ZNF737: variants seen among roughly 807,000 people sequenced by gnomAD.
The protein encoded by ZNF737 is zinc finger protein 737.
ZNF737 carries 13 observed loss-of-function variants against 11.7 expected under a neutral mutation model. The observed-to-expected ratio is 1.11, with a 90% CI of 0.73 to 1.77. ZNF737 has a LOEUF of 1.77. Ranked by LOEUF, ZNF737 falls within the 40% of genes most tolerant of loss-of-function variation. The pLI is 0.00. For synonymous variants in ZNF737, 217 were observed against 216.2 expected, an observed-to-expected ratio of 1.00 and a Z score of -0.03; for missense variants, 636 against 638.0, an observed-to-expected ratio of 1.00 and a Z score of 0.03.
chr19:20,542,171 C>T lies in ZNF737; in HGVS notation c.*2421G>A, dbSNP rs781786153. 7.5e-5 allele frequency: 74 copies of T among 984,548 alleles called. No individual in the cohort carries two copies. The highest frequency in any genetic ancestry group is 1.2e-4 in the Admixed American group (2 of 16,242). 61.0% of individuals were successfully genotyped at this position (984,548 alleles called of 1,614,324 possible). A position where few individuals can be genotyped will look rare whatever the true frequency, so the allele number is the denominator to read the frequency against. ...AGTGGCACAATAATGGTTCATTAAA[C>T]GCACGGTAGTCTTACCATGGTAAAA... On this transcript the variant is annotated 3_prime_UTR_variant, in exon 4 of 4. Coordinates refer to ENST00000427401, the MANE Select transcript of ZNF737 (RefSeq NM_001159293.2).
At position 20,541,444 on chromosome 19, in the gene ZNF737, T is replaced by G; in HGVS notation, c.*3148A>C. 1.0e-6 allele frequency: 1 copy of G among 962,852 alleles called. No homozygotes were observed. Among genetic ancestry groups the G allele is most frequent in the Non-Finnish European group, 1.2e-6 (1 of 809,846 alleles). 59.6% of individuals were successfully genotyped at this position (962,852 alleles called of 1,614,324 possible). A position where few individuals can be genotyped will look rare whatever the true frequency, so the allele number is the denominator to read the frequency against. ...TTTCAGGACTCAGAAATGTATGGAT[T>G]TTATTTTTATTTTATTTTTTGAGAT... On this transcript the variant is annotated 3_prime_UTR_variant, in exon 4 of 4. Transcript: ENST00000427401.
In ZNF737 at chr19:20,545,564, G is replaced by A. The variant is rs1278250911; in HGVS notation, c.639C>T (p.Ser213=). The change falls in exon 4 of 4, where the codon TCC becomes TCT. Residue 213 remains serine, a synonymous_variant. Transcript: ENST00000427401. ...CEECGKAFNW[S]SHLTTHKRIH... ...TTCTCTTATGTGTAGTAAGGTGTGA[G>A]GACCAGTTGAAGGCTTTGCCACATT... 1.2e-6 allele frequency: 2 copies of A among 1,613,582 alleles called. No homozygotes were observed. The highest frequency in any genetic ancestry group is 1.7e-6 in the Non-Finnish European group (2 of 1,179,850).
rs112095577 is a variant in ZNF737 at position 20,542,273 on chromosome 19, G to T, written c.*2319C>A. ...GACAGAGTTTTGCTCTTGTTGCCCA[G>T]ACTGGAGTGCAATCGCACAATCTTG... On this transcript the variant is annotated 3_prime_UTR_variant, in exon 4 of 4. Transcript: ENST00000427401. The T allele has an allele frequency of 2.4e-5, 20 of 826,666 alleles. No homozygotes were observed. In the African/African-American group the frequency reaches 3.0e-4, roughly 12 times the overall value. 51.2% of individuals were successfully genotyped at this position (826,666 alleles called of 1,614,324 possible).
intron 1 of ZNF737, among the ~76,000 whole-genome samples, chr19:20,554,232 G>A (rs1968802548): frequency 6.6e-6 from 1 of 152,052 alleles, no homozygotes; most frequent in East Asian, 1.9e-4. Flanking sequence ...GTTATGCAGG[G>A]TTTTTTTCCA....
At chr19:20,561,176 C>T (rs34642251) in intron 1 of ZNF737, among the ~76,000 whole-genome samples, 75,667 of 151,960 alleles carry the variant, frequency 0.5, 19,316 homozygotes, top group Middle Eastern at 0.57. Flanking sequence ...ACTGTGTGCA[C>T]GCAGACATAT....
At chr19:20,553,608 A>G (rs1968776456) in intron 2 of ZNF737, 101 bp downstream of exon 2, 6 of 1,249,242 alleles carry the variant, frequency 4.8e-6, no homozygotes, top group Non-Finnish European at 6.7e-6. Context: ...AGTGGATCTG[A>G]AACTCTTTTA....
At chr19:20,554,822 T>C (rs1416997496) in intron 1 of ZNF737, among the ~76,000 whole-genome samples, 1 of 152,060 alleles carries the variant, frequency 6.6e-6, no homozygotes, top group Non-Finnish European at 1.5e-5. Flanking sequence ...TTTTCAGAAC[T>C]TTCTGGGTAA....
chr19:20,550,620 T>C (rs182973613), intron 3 of ZNF737, among the ~76,000 whole-genome samples: 1 of 152,306 alleles, frequency 6.6e-6, no homozygotes, highest in East Asian at 1.9e-4. Context: ...ACCAGGATTA[T>C]GACTCACACC....
Position 20,543,039 on chromosome 19 carries a change from T to C in ZNF737, c.*1553A>G, listed in dbSNP as rs1157123793. On this transcript the variant is annotated 3_prime_UTR_variant, in exon 4 of 4. Coordinates refer to ENST00000427401, the MANE Select transcript of ZNF737 (RefSeq NM_001159293.2). ...TTAGTTTTTATATTCAATGCTCTGA[T>C]TTAGTGTAATGTCTGAAGTGTCGGG... 1.0e-6 allele frequency: 1 copy of C among 985,116 alleles called. No individual in the cohort carries two copies. Among genetic ancestry groups the C allele is most frequent in the Admixed American group, 6.1e-5 (1 of 16,266 alleles). The allele number at this position is 985,116 out of a possible 1,614,324, so 61.0% of individuals were successfully genotyped here. A position where few individuals can be genotyped will look rare whatever the true frequency, so the allele number is the denominator to read the frequency against.
At chr19:20,550,501 A>G (rs1968622786) in intron 3 of ZNF737, among the ~76,000 whole-genome samples, 3 of 152,230 alleles carry the variant, frequency 2.0e-5, no homozygotes, top group Admixed American at 1.3e-4. Flanking sequence ...GTAAAAATAT[A>G]TAGGGAGAGT....
intron 3 of ZNF737, among the ~76,000 whole-genome samples, chr19:20,547,674 T>G (rs1476985637): frequency 6.6e-6 from 1 of 150,952 alleles, no homozygotes; most frequent in Non-Finnish European, 1.5e-5. Flanking sequence ...GGAAAAGCAT[T>G]TGAAAGAACA....
intron 1 of ZNF737, 30 bp downstream of exon 1, chr19:20,565,606 CCT>C (rs782766988): frequency 5.0e-6 from 8 of 1,614,212 alleles, no homozygotes; most frequent in Non-Finnish European, 6.8e-6. Context: ...AGCCTATCCC[CCT>C]CTCTCGGGAT....
At chr19:20,553,013 G>T (rs73012638) in intron 2 of ZNF737, among the ~76,000 whole-genome samples, 12 of 134,238 alleles carry the variant, frequency 8.9e-5, no homozygotes, top group South Asian at 4.9e-4. Context: ...CTCTGTCCCC[G>T]AAAAAAAAAA....
intron 1 of ZNF737, among the ~76,000 whole-genome samples, chr19:20,562,522 C>CTT (rs77611842): frequency 6.8e-6 from 1 of 146,406 alleles, no homozygotes. Flanking sequence ...TTTTCTTTTT[C>CTT]TTTTTTTTTT....
In ZNF737 at chr19:20,565,759, C is replaced by A; in HGVS notation, c.-119G>T. 6.6e-7 allele frequency: 1 copy of A among 1,512,890 alleles called. No homozygotes were observed. The highest frequency in any genetic ancestry group is 2.3e-5 in the East Asian group (1 of 44,342). 93.7% of individuals were successfully genotyped at this position (1,512,890 alleles called of 1,614,324 possible). On this transcript the variant is annotated 5_prime_UTR_variant, in exon 1 of 4. Transcript: ENST00000427401. ...AGGACACACAGCAGTGAAGACAAGA[C>A]CTGGAGCTCCGGCTGCAGAGACAAA... is the stretch of plus-strand genomic sequence containing the variant.
chr19:20,555,978 G>T (rs193039617), intron 1 of ZNF737, among the ~76,000 whole-genome samples: 26 of 152,206 alleles, frequency 1.7e-4, no homozygotes, highest in Admixed American at 1.5e-3. Context: ...GGCAGAAAAA[G>T]ACAGAAAAAT....
Position 20,542,875 on chromosome 19 carries a change from T to C in ZNF737, c.*1717A>G. On this transcript the variant is annotated 3_prime_UTR_variant, in exon 4 of 4. Coordinates refer to ENST00000427401, the MANE Select transcript of ZNF737 (RefSeq NM_001159293.2). ...TAAAATAACAGCATAATTTGAAAGCTGTATTACATCATTATTCAGCTTTCA... is the reference window on the plus strand; with the variant it reads ...TAAAATAACAGCATAATTTGAAAGCCGTATTACATCATTATTCAGCTTTCA... The C allele has an allele frequency of 1.0e-6, 1 of 985,148 alleles. No homozygotes were observed. The allele number at this position is 985,148 out of a possible 1,614,324, so 61.0% of individuals were successfully genotyped here. A position where few individuals can be genotyped will look rare whatever the true frequency, so the allele number is the denominator to read the frequency against.
Position 20,544,041 on chromosome 19 carries a change from T to C in ZNF737, c.*551A>G, listed in dbSNP as rs1555755750. On this transcript the variant is annotated 3_prime_UTR_variant, in exon 4 of 4. Coordinates refer to ENST00000427401, the MANE Select transcript of ZNF737 (RefSeq NM_001159293.2). ...TACTCAGGAAGCTGAGGTAGGAGAA[T>C]GGCTTAAACCCAGGAGGCAGAGGTT... The C allele has an allele frequency of 1.4e-6, 1 of 739,918 alleles. No homozygotes were observed. The highest frequency in any genetic ancestry group is 1.6e-6 in the Non-Finnish European group (1 of 606,162). 45.8% of individuals were successfully genotyped at this position (739,918 alleles called of 1,614,324 possible). A position where few individuals can be genotyped will look rare whatever the true frequency, so the allele number is the denominator to read the frequency against.
chr19:20,541,095 A>C lies in ZNF737; in HGVS notation c.*3497T>G. 1 of 984,890 alleles carries C rather than the reference A, an allele frequency of 1.0e-6. No homozygotes were observed. The highest frequency in any genetic ancestry group is 5.2e-4 in the Middle Eastern group (1 of 1,914). 61.0% of individuals were successfully genotyped at this position (984,890 alleles called of 1,614,324 possible). A position where few individuals can be genotyped will look rare whatever the true frequency, so the allele number is the denominator to read the frequency against. On this transcript the variant is annotated 3_prime_UTR_variant, in exon 4 of 4. Transcript: ENST00000427401. ...TAGGCAGACTCTGGGGAGAATCCGA[A>C]TCACAGGCCAGAACATTTTATATTA...
Sources: allele counts gnomAD v4.1 joint callset (sites outside exome capture counted in the v4.1 genomes callset), GRCh38; gene constraint gnomAD v4.1.1; transcripts MANE v1.5; gene names NCBI Gene and HGNC (gene_info 2026-07-23, HGNC 2026-07-21).